Variants in MBIP observed in about 807,000 individuals in gnomAD.
MBIP encodes MAP3K12 binding inhibitory protein 1.
MBIP carries 32 observed loss-of-function variants against 45.7 expected under a neutral mutation model. The observed-to-expected ratio is 0.70, with a 90% CI of 0.53 to 0.94. The LOEUF (loss-of-function observed/expected upper bound fraction) is 0.94, where lower values mean the gene tolerates loss of function less well. MBIP is among the 40% of genes least tolerant of loss of function. The pLI is 0.00. For synonymous variants in MBIP, 145 were observed against 141.0 expected (o/e 1.03, Z -0.20); for missense variants, 381 against 405.5 (o/e 0.94, Z 0.52).
chr14:36,299,425 C>G (rs1400261953), intron 8 of MBIP, among the ~76,000 whole-genome samples: 1 of 149,484 alleles, frequency 6.7e-6, no homozygotes, highest in East Asian at 2.0e-4. Context: ...AATGACTAAG[C>G]TCTCCTGAAC....
At chr14:36,313,494 C>G (rs1880339463) in intron 4 of MBIP, 1 of 152,146 alleles carries the variant, frequency 6.6e-6, no homozygotes, top group African/African-American at 2.4e-5. Flanking sequence ...ATTAGTGACA[C>G]ATGTGCTTGC....
Position 36,316,791 on chromosome 14 carries a change from C to G in MBIP, c.151G>C (p.Val51Leu). ...VGQLDLRDDV[V>L]KITIDWNKLQ... ...TTGTTCCAATCGATTGTAATTTTCA[C>G]CACATCATCTCTGAGGTCAAGCTTC... Residue 51 changes from valine (V) to leucine (L), a missense_variant, in exon 2 of 9, where the codon GTG becomes CTG. Physicochemically the swap from Val to Leu is conservative, Grantham distance 32 (BLOSUM62 1). Coordinates refer to ENST00000416007, the MANE Select transcript of MBIP (RefSeq NM_016586.3). The G allele has an allele frequency of 6.2e-7, 1 of 1,611,842 alleles. No homozygotes were observed.
At chr14:36,305,813 C>T (rs1388427572) in intron 7 of MBIP, among the ~76,000 whole-genome samples, 2 of 152,080 alleles carry the variant, frequency 1.3e-5, no homozygotes, top group Non-Finnish European at 1.5e-5. Context: ...ATCATTTTTC[C>T]AACCAGAAAC....
At chr14:36,313,025 T>C (rs1209354123) in intron 4 of MBIP, among the ~76,000 whole-genome samples, 1 of 152,126 alleles carries the variant, frequency 6.6e-6, no homozygotes. Context: ...TAAAATACAT[T>C]TGTATTTTTT....
chr14:36,308,821 T>C (rs1302934962), intron 6 of MBIP, among the ~76,000 whole-genome samples: 1 of 152,162 alleles, frequency 6.6e-6, no homozygotes, highest in South Asian at 2.1e-4. Flanking sequence ...TTACTGCAAC[T>C]CCCAAACTGG....
At chr14:36,308,758 C>T (rs1880033620) in intron 6 of MBIP, among the ~76,000 whole-genome samples, 1 of 152,146 alleles carries the variant, frequency 6.6e-6, no homozygotes. Flanking sequence ...CTACTTCTCA[C>T]CCCCTCCACA....
At chr14:36,316,623 C>T in intron 2 of MBIP, 70 bp downstream of exon 2, 1 of 1,410,552 alleles carries the variant, frequency 7.1e-7, no homozygotes, top group South Asian at 1.3e-5. Flanking sequence ...CTGTCAAATA[C>T]TCCAACTAAC....
intron 1 of MBIP, among the ~76,000 whole-genome samples, chr14:36,318,023 CATGT>C (rs2139239367): frequency 6.6e-6 from 1 of 152,118 alleles, no homozygotes; most frequent in South Asian, 2.1e-4. Context: ...TATGAAATTT[CATGT>C]AGGCTGCACT....
chr14:36,313,750 T>A (rs1217448390), intron 4 of MBIP: 1 of 152,134 alleles, frequency 6.6e-6, no homozygotes, highest in Non-Finnish European at 1.5e-5. Flanking sequence ...AATTCTATGT[T>A]CATAATAATT....
At position 36,311,589 on chromosome 14, in the gene MBIP, G is replaced by A. The variant is rs1351236929; in HGVS notation, c.774C>T (p.His258=). 5 of 1,611,612 alleles carry A rather than the reference G, an allele frequency of 3.1e-6. No homozygotes were observed. The African/African-American group carries it at 6.7e-5, about 22-fold the overall frequency. The change falls in exon 6 of 9, where the codon CAC becomes CAT. Residue 258 remains histidine (H), a synonymous_variant. Coordinates refer to ENST00000416007, the MANE Select transcript of MBIP (RefSeq NM_016586.3). ...VEERLQNIEA[H]LRLQTGGPVP... ...TTTGCTTACCTGTCTGTAACCGCAA[G>A]TGGGCCTCAATATTTTGTAGTCGTT...
At chr14:36,317,521 T>C (rs993416902) in intron 1 of MBIP, among the ~76,000 whole-genome samples, 4 of 152,148 alleles carry the variant, frequency 2.6e-5, no homozygotes, top group Admixed American at 2.0e-4. Context: ...AGATCTTTTG[T>C]AAATGCTAAG....
rs79341640 is a variant in MBIP, at chr14:36,299,071, G to A, written c.*12C>T. 0.02 allele frequency: 32,653 copies of A among 1,594,448 alleles called. 1,141 individuals are homozygous for A. Among genetic ancestry groups the A allele is most frequent in the East Asian group, 0.13 (5,789 of 44,724 alleles). On this transcript the variant is annotated 3_prime_UTR_variant, in exon 9 of 9. Transcript: ENST00000416007. ...TACAAAAAAGTAAAATGACAAGGATGAGAGGAGTTTTTCATGGAAGGTGGT... is the reference window on the plus strand; with the variant it reads ...TACAAAAAAGTAAAATGACAAGGATAAGAGGAGTTTTTCATGGAAGGTGGT...
chr14:36,300,788 AG>A lies in MBIP; in HGVS notation c.923del (p.Pro308LeufsTer69). 1 of 1,552,890 alleles carries A rather than the reference AG, an allele frequency of 6.4e-7. No homozygotes were observed. The highest frequency in any genetic ancestry group is 8.8e-7 in the Non-Finnish European group (1 of 1,142,374). ...AAATGAAAATGCAGTAACTTACTTGAGGTGGTTGAACTTTTCTTCTTTTTCC... is the reference window on the plus strand; with the variant it reads ...AAATGAAAATGCAGTAACTTACTTGAGTGGTTGAACTTTTCTTCTTTTTCC... ...FSGKRRKVQP[P>X]QQNYSLAELD... is the part of the protein sequence containing the mutation. On this transcript the variant is annotated frameshift_variant, in exon 8 of 9. Transcript: ENST00000416007. LOFTEE classifies it high-confidence loss of function.
chr14:36,302,498 A>G (rs1202464391), intron 7 of MBIP, among the ~76,000 whole-genome samples: 1 of 136,296 alleles, frequency 7.3e-6, no homozygotes, highest in Non-Finnish European at 1.5e-5. Flanking sequence ...TCTTAAAAAA[A>G]AAAAAAAAAA....
At position 36,308,186 on chromosome 14, in the gene MBIP, C is replaced by A; in HGVS notation, c.794G>T (p.Gly265Val). The A allele has an allele frequency of 6.5e-7, 1 of 1,544,260 alleles. No homozygotes were observed. The highest frequency in any genetic ancestry group is 2.3e-5 in the East Asian group (1 of 44,240). The change falls in exon 7 of 9, where the codon GGT becomes GTT. Residue 265 changes from glycine to valine, a missense_variant. Transcript: ENST00000416007. Reference sequence around the variant, plus strand: ...CTGATAAATGTCTCTTGGCACTGGACCACCTAAATACATTAAAAAAAAATC... The same window carrying A: ...CTGATAAATGTCTCTTGGCACTGGAACACCTAAATACATTAAAAAAAAATC... ...IEAHLRLQTG[G>V]PVPRDIYQRI... is the part of the protein sequence containing the mutation.
intron 7 of MBIP, 104 bp from the exon 8 acceptor site, chr14:36,300,927 G>A: frequency 1.5e-6 from 1 of 648,578 alleles, no homozygotes; most frequent in Non-Finnish European, 2.5e-6. Context: ...AACCCTGACA[G>A]AAAAAAAACC....
At chr14:36,300,492 G>A (rs932126155) in intron 8 of MBIP, among the ~76,000 whole-genome samples, 1 of 152,090 alleles carries the variant, frequency 6.6e-6, no homozygotes, top group Non-Finnish European at 1.5e-5. Context: ...AAGGGATGGG[G>A]GGAGACTGAA....
intron 7 of MBIP, among the ~76,000 whole-genome samples, chr14:36,306,664 T>G (rs1449550160): frequency 2.0e-5 from 3 of 152,178 alleles, no homozygotes; most frequent in African/African-American, 7.2e-5. Flanking sequence ...TACCATACTC[T>G]ATTGTAAGAT....
chr14:36,313,454 T>C (rs1412844688), intron 4 of MBIP: 2 of 152,114 alleles, frequency 1.3e-5, no homozygotes, highest in Non-Finnish European at 2.9e-5. Context: ...TTTATAATAA[T>C]AGAGTTAGCA....
Sources: gnomAD v4.1 joint callset for allele counts (sites outside exome capture counted in the v4.1 genomes callset) on GRCh38, gnomAD v4.1.1 for gene constraint, MANE v1.5 for transcripts, NCBI Gene and HGNC (gene_info 2026-07-23, HGNC 2026-07-21) for gene names.